TBC1D22A: variants seen among roughly 807,000 people sequenced by gnomAD.
TBC1D22A encodes the protein TBC1 domain family member 22A, also known as putative GTPase activator.
TBC1D22A carries 38 observed loss-of-function variants against 60.2 expected under a neutral mutation model. The observed-to-expected ratio is 0.63, with a 90% CI of 0.49 to 0.83. The LOEUF (loss-of-function observed/expected upper bound fraction) is 0.83. Among genes scored for constraint, TBC1D22A ranks in the 40% least tolerant of loss-of-function variants. TBC1D22A has a pLI of 0.00. For synonymous variants in TBC1D22A, 302 were observed against 281.7 expected (o/e 1.07, Z -0.72); for missense variants, 628 against 701.0 (o/e 0.90, Z 1.18).
intron 7 of TBC1D22A, among the ~76,000 whole-genome samples, chr22:46,899,079 G>A (rs930332247): frequency 2.0e-5 from 3 of 152,152 alleles, no homozygotes; most frequent in Admixed American, 2.0e-4. Flanking sequence ...AGTGTGAAGA[G>A]TGGGTAACCT....
intron 9 of TBC1D22A, among the ~76,000 whole-genome samples, chr22:46,975,165 T>G (rs1252241982): frequency 6.6e-6 from 1 of 152,070 alleles, no homozygotes; most frequent in African/African-American, 2.4e-5. Flanking sequence ...TTGAGGCCAG[T>G]ACATCCTTTC....
intron 11 of TBC1D22A, among the ~76,000 whole-genome samples, chr22:47,084,122 G>A (rs1384839344): frequency 1.3e-5 from 2 of 152,346 alleles, no homozygotes; most frequent in Middle Eastern, 3.4e-3. Flanking sequence ...GTCATACGCA[G>A]TCAGGCTGCC....
At chr22:47,128,620 A>G (rs1328921471) in intron 12 of TBC1D22A, among the ~76,000 whole-genome samples, 1 of 151,680 alleles carries the variant, frequency 6.6e-6, no homozygotes, top group Non-Finnish European at 1.5e-5. Flanking sequence ...TCGTTCCATG[A>G]CTCTGCTCAC....
At chr22:46,903,204 A>G (rs1479101782) in intron 7 of TBC1D22A, among the ~76,000 whole-genome samples, 1 of 152,048 alleles carries the variant, frequency 6.6e-6, no homozygotes, top group African/African-American at 2.4e-5. Context: ...GGCGTTCGGG[A>G]CCGAGGGCTG....
intron 8 of TBC1D22A, among the ~76,000 whole-genome samples, chr22:46,920,866 GT>G (rs1474444433): frequency 4.0e-5 from 6 of 151,726 alleles, no homozygotes; most frequent in African/African-American, 1.5e-4. Context: ...TGCCTCCTGG[GT>G]TCAAGCGATT....
chr22:46,862,880 T>C (rs1200701439), intron 4 of TBC1D22A, among the ~76,000 whole-genome samples: 1 of 152,198 alleles, frequency 6.6e-6, no homozygotes, highest in Non-Finnish European at 1.5e-5. Context: ...GACAGTCTCT[T>C]GAAGAGGCAC....
At chr22:47,125,131 G>C (rs2066409244) in intron 12 of TBC1D22A, among the ~76,000 whole-genome samples, 1 of 152,110 alleles carries the variant, frequency 6.6e-6, no homozygotes, top group Non-Finnish European at 1.5e-5. Context: ...ACCCAGGCAA[G>C]GGGCGACATC....
intron 9 of TBC1D22A, among the ~76,000 whole-genome samples, chr22:46,996,357 G>A (rs1277444932): frequency 2.6e-5 from 4 of 152,252 alleles, no homozygotes; most frequent in East Asian, 3.8e-4. Flanking sequence ...AGTGCTGGCC[G>A]GGCCAGAGGC....
intron 4 of TBC1D22A, among the ~76,000 whole-genome samples, chr22:46,864,613 G>T (rs1251130686): frequency 6.6e-6 from 1 of 152,202 alleles, no homozygotes; most frequent in Non-Finnish European, 1.5e-5. Context: ...TGGATTGGTG[G>T]TTTTCTCTTG....
At chr22:46,987,252 C>T (rs973548642) in intron 9 of TBC1D22A, among the ~76,000 whole-genome samples, 2 of 152,034 alleles carry the variant, frequency 1.3e-5, no homozygotes, top group African/African-American at 2.4e-5. Flanking sequence ...CTCTCGATGC[C>T]GGAGTGGCAT....
intron 8 of TBC1D22A, among the ~76,000 whole-genome samples, chr22:46,964,351 C>G (rs2073694391): frequency 6.6e-6 from 1 of 152,190 alleles, no homozygotes; most frequent in South Asian, 2.1e-4. Context: ...CTCTGGCGCT[C>G]CCCCACCTAC....
At chr22:47,014,730 G>C (rs1035584486) in intron 10 of TBC1D22A, among the ~76,000 whole-genome samples, 3 of 150,742 alleles carry the variant, frequency 2.0e-5, no homozygotes, top group Admixed American at 1.3e-4. Context: ...TGGGTCTGTC[G>C]TCTCTGGACC....
rs113950682 is a variant in TBC1D22A, at chr22:47,010,394, A to G, written c.1201+12685A>G. ...AGGGCAGAGCTGAGCGTTTGAAATG[A>G]TAGTGATATTTCATCTGAGACGTAA... On this transcript the variant is annotated intron_variant, in intron 10 of 12. Coordinates refer to ENST00000337137, the MANE Select transcript of TBC1D22A (RefSeq NM_014346.5). Among the ~76,000 whole-genome samples, 503 of 152,304 alleles carry G rather than the reference A, an allele frequency of 3.3e-3. 3 individuals carry two copies. The highest frequency in any genetic ancestry group is 0.012 in the African/African-American group (487 of 41,572).
At chr22:47,121,790 G>A (rs936385876) in intron 12 of TBC1D22A, among the ~76,000 whole-genome samples, 13 of 151,822 alleles carry the variant, frequency 8.6e-5, no homozygotes, top group African/African-American at 1.9e-4. Flanking sequence ...TAATTCCCAC[G>A]TTAAGGATGG....
At chr22:47,069,240 C>T (rs561485109) in intron 11 of TBC1D22A, among the ~76,000 whole-genome samples, 1 of 152,230 alleles carries the variant, frequency 6.6e-6, no homozygotes, top group Non-Finnish European at 1.5e-5. Flanking sequence ...GTAGACCAAA[C>T]TGAAAAATGT....
intron 7 of TBC1D22A, among the ~76,000 whole-genome samples, chr22:46,901,702 C>G (rs2069006738): frequency 1.2e-5 from 1 of 80,922 alleles, no homozygotes; most frequent in Non-Finnish European, 2.8e-5. Flanking sequence ...AGTGTTATAA[C>G]TCACATGGGG....
intron 8 of TBC1D22A, among the ~76,000 whole-genome samples, chr22:46,916,783 T>C (rs955460731): frequency 6.6e-6 from 1 of 152,164 alleles, no homozygotes; most frequent in Non-Finnish European, 1.5e-5. Context: ...GTGAAGACAG[T>C]GAAGTCCAGT....
rs1016215845 is a variant in TBC1D22A, at chr22:46,766,172, T to C, written c.62+3324T>C. On this transcript the variant is annotated intron_variant, in intron 1 of 12. Transcript: ENST00000337137. ...GCCACCACACCTGGCTAATTTTTTA[T>C]ATTTTTGGTAGAGACGGGGTTTCAC... Among the ~76,000 whole-genome samples, 8 of 152,232 alleles carry C rather than the reference T, an allele frequency of 5.3e-5. No individual in the cohort carries two copies. In the South Asian group the frequency reaches 1.7e-3, roughly 32 times the overall value.
intron 10 of TBC1D22A, among the ~76,000 whole-genome samples, chr22:47,004,526 C>A (rs115728359): frequency 6.6e-6 from 1 of 151,112 alleles, no homozygotes; most frequent in South Asian, 2.1e-4. Context: ...TATGCCTATA[C>A]ACACACCTGC....
Sources: allele counts gnomAD v4.1 joint callset (sites outside exome capture counted in the v4.1 genomes callset), GRCh38; gene constraint gnomAD v4.1.1; transcripts MANE v1.5; gene names NCBI Gene and HGNC (gene_info 2026-07-23, HGNC 2026-07-21).